The following FLNA variants were observed in gnomAD, a reference collection of about 807,000 sequenced individuals.
FLNA encodes filamin A.
Under a neutral mutation model 157.6 loss-of-function variants are expected in FLNA, and 7 were observed. That is an observed-to-expected ratio of 0.04 (90% CI 0.03 to 0.08). FLNA has a LOEUF of 0.08. Ranked by LOEUF, FLNA falls within the 10% of genes least tolerant of loss-of-function variation. FLNA has a pLI of 1.00. For synonymous variants in FLNA, 1,103 were observed against 1,060.8 expected, an observed-to-expected ratio of 1.04 and a Z score of -0.77; for missense variants, 1,750 against 2,398.4, an observed-to-expected ratio of 0.73 and a Z score of 5.65.
At chrX:154,363,851 T>C (rs1557178571) in intron 15 of FLNA, among the ~76,000 whole-genome samples, 171 bp downstream of exon 15, 15 of 112,507 alleles carry the variant, frequency 1.3e-4, no homozygotes, top group Non-Finnish European at 2.8e-4. Flanking sequence ...CAGTTCCATC[T>C]ATAGAACATG....
rs782097079 is a variant in FLNA at position 154,362,807 on chromosome X, CA to C, written c.2281-24del. The C allele has an allele frequency of 1.4e-5, 17 of 1,186,389 alleles. No individual in the cohort carries two copies. The Admixed American group carries it at 2.3e-4, about 16-fold the overall frequency. ...CACCTGCAGGGCACAGGGGCAAGGG[CA>C]AGGGCATGAGCAGCCTGGAGGAGAC... On this transcript the variant is annotated intron_variant, in intron 15 of 47. Coordinates refer to ENST00000369850, the MANE Select transcript of FLNA (RefSeq NM_001110556.2).
In FLNA at chrX:154,368,105, G is replaced by C. The variant is rs2067776708; in HGVS notation, c.374-15C>G. On this transcript the variant is annotated splice_polypyrimidine_tract_variant and intron_variant, in intron 2 of 47. Transcript: ENST00000369850. ...GGCCTTGCTGTCTGTGAGTAGAAGA[G>C]TGGCCACGCTGGGCACACGGCTGTG... is the stretch of plus-strand genomic sequence containing the variant. 1 of 1,208,849 alleles carries C rather than the reference G, an allele frequency of 8.3e-7. No homozygotes were observed. The highest frequency in any genetic ancestry group is 1.1e-6 in the Non-Finnish European group (1 of 894,963).
Position 154,361,732 on chromosome X carries a change from A to C in FLNA, c.2882T>G (p.Phe961Cys). 8.3e-7 allele frequency: 1 copy of C among 1,210,586 alleles called. No individual in the cohort carries two copies. The highest frequency in any genetic ancestry group is 1.1e-6 in the Non-Finnish European group (1 of 894,930). The change falls in exon 20 of 48, where the codon TTC becomes TGC. Residue 961 changes from phenylalanine to cysteine, a missense_variant. Phe to Cys is a radical substitution (Grantham distance 205). Coordinates refer to ENST00000369850, the MANE Select transcript of FLNA (RefSeq NM_001110556.2). The part of the protein sequence containing the change: ...YGGDPIPKSP[F>C]SVAVSPSLDL... The stretch of plus-strand genomic sequence containing the variant: ...CAGGCTTGGAGATACTGCCACTGAG[A>C]AAGGGCTCTTAGGGATGGGATCCCC...
intron 26 of FLNA, 113 bp from the exon 27 acceptor site, chrX:154,358,681 A>C: frequency 4.0e-5 from 38 of 950,555 alleles, no homozygotes; most frequent in Non-Finnish European, 5.1e-5. Context: ...CTTTATCCTC[A>C]TCCACCCGAC....
At chrX:154,353,830 T>A (rs2070826) in intron 35 of FLNA, 85 bp downstream of exon 35, 1 of 1,187,669 alleles carries the variant, frequency 8.4e-7, no homozygotes, top group Non-Finnish European at 1.1e-6. Flanking sequence ...GGGAGCCCCA[T>A]TCAGGAGTAT....
Position 154,365,441 on chromosome X carries a change from G to A in FLNA, c.1475C>T (p.Pro492Leu). The change falls in exon 10 of 48, where the codon CCC (proline) becomes CTC (leucine). Residue 492 changes from proline (P) to leucine (L), a missense_variant. Physicochemically the swap from Pro to Leu is moderately conservative, Grantham distance 98. Coordinates refer to ENST00000369850, the MANE Select transcript of FLNA (RefSeq NM_001110556.2). ...TGTCTCCTTCACCCGCACACCCTTG[G>A]GCTGGAGGCCCCGGCCAACCGCCCG... ...ACRAVGRGLQ[P>L]KGVRVKETAD... is the part of the protein sequence containing the mutation. The A allele has an allele frequency of 8.3e-7, 1 of 1,211,586 alleles. No homozygotes were observed. Among genetic ancestry groups the A allele is most frequent in the South Asian group, 1.8e-5 (1 of 57,055 alleles).
intron 5 of FLNA, 102 bp downstream of exon 5, chrX:154,367,295 C>T (rs41311702): frequency 1.5e-3 from 1,432 of 944,879 alleles, no homozygotes; most frequent in Middle Eastern, 4.9e-3. Context: ...CACCTAGCCG[C>T]CATGTAACCC....
In FLNA at chrX:154,353,613, A is replaced by G. The variant is rs375041946; in HGVS notation, c.5801T>C (p.Ile1934Thr). The change falls in exon 36 of 48, where the codon ATT becomes ACT. Residue 1934 changes from isoleucine to threonine, a missense_variant. Transcript: ENST00000369850. ...GTGCTGTTCATTGTACTTGACTAGA[A>G]TGCTGTAGTCCCCCGGCAGCACAGG... Reference protein sequence around the residue: ...YLPVLPGDYSILVKYNEQHVP... With the variant: ...YLPVLPGDYSTLVKYNEQHVP... 8.3e-7 allele frequency: 1 copy of G among 1,210,399 alleles called. No homozygotes were observed. The highest frequency in any genetic ancestry group is 1.7e-5 in the African/African-American group (1 of 57,491).
At position 154,368,175 on chromosome X, in the gene FLNA, C is replaced by G; in HGVS notation, c.374-85G>C. 2.7e-5 allele frequency: 32 copies of G among 1,181,985 alleles called. No individual in the cohort carries two copies. In the South Asian group the frequency reaches 5.7e-4, roughly 21 times the overall value. On this transcript the variant is annotated intron_variant, in intron 2 of 47. Coordinates refer to ENST00000369850, the MANE Select transcript of FLNA (RefSeq NM_001110556.2). ...GCTTTGGGGTCAGGGTCTGGCAGCA[C>G]GGGGTAGCAGGGGCCAAGGAGGAGG...
chrX:154,349,241 G>C, intron 47 of FLNA, 121 bp downstream of exon 47: 1 of 815,189 alleles, frequency 1.2e-6, no homozygotes, highest in Non-Finnish European at 1.8e-6. Flanking sequence ...GTGGCAGGGA[G>C]GTGGCTCTAG....
At chrX:154,371,500 G>A in intron 1 of FLNA, 139 bp from the exon 2 acceptor site, 2 of 397,885 alleles carry the variant, frequency 5.0e-6, no homozygotes, top group Non-Finnish European at 8.7e-6. Context: ...GCCCCCACTA[G>A]GCCCCCGGGT....
At chrX:154,365,073 A>G in intron 11 of FLNA, 63 bp downstream of exon 11, 1 of 1,204,966 alleles carries the variant, frequency 8.3e-7, no homozygotes, top group Non-Finnish European at 1.1e-6. Flanking sequence ...TCAGGTGGGG[A>G]GGCAGAAGGA....
rs782780394 is a variant in FLNA, at chrX:154,371,229, G to A, written c.17C>T (p.Ser6Phe). ...GCCTGCTGCGCTCTGGCCCGCCCGA[G>A]AGTGGGAGCTACTCATTTTGAGGCG... MSSSHSRAGQSAAGAA... is the reference protein window; with the variant it reads MSSSHFRAGQSAAGAA... The change falls in exon 2 of 48, where the codon TCT (serine) becomes TTT (phenylalanine). Residue 6 changes from serine to phenylalanine, a missense_variant. By Grantham distance (155) the Ser-to-Phe change is radical (BLOSUM62 -2). This residue lies in a region of FLNA where 58 missense variants were observed against 27.8 expected (regional missense o/e 2.09). Coordinates refer to ENST00000369850, the MANE Select transcript of FLNA (RefSeq NM_001110556.2). 2.5e-6 allele frequency: 3 copies of A among 1,201,965 alleles called. No individual in the cohort carries two copies. Among genetic ancestry groups the A allele is most frequent in the South Asian group, 1.8e-5 (1 of 55,678 alleles).
Position 154,368,100 on chromosome X carries a change from G to C in FLNA, c.374-10C>G. Reference sequence around the variant, plus strand: ...ACGATGGCCTTGCTGTCTGTGAGTAGAAGAGTGGCCACGCTGGGCACACGG... The same window carrying C: ...ACGATGGCCTTGCTGTCTGTGAGTACAAGAGTGGCCACGCTGGGCACACGG... On this transcript the variant is annotated splice_polypyrimidine_tract_variant and intron_variant, in intron 2 of 47. Coordinates refer to ENST00000369850, the MANE Select transcript of FLNA (RefSeq NM_001110556.2). The C allele has an allele frequency of 8.3e-7, 1 of 1,210,915 alleles. No individual in the cohort carries two copies. Among genetic ancestry groups the C allele is most frequent in the Non-Finnish European group, 1.1e-6 (1 of 895,289 alleles).
rs930523412 is a variant in FLNA, at chrX:154,353,074, C to T, written c.6153G>A (p.Arg2051=). Residue 2051 remains arginine (R), a synonymous_variant, in exon 38 of 48, where the codon CGG becomes CGA. Coordinates refer to ENST00000369850, the MANE Select transcript of FLNA (RefSeq NM_001110556.2). Reference sequence around the variant, plus strand: ...CTTCGTGAAGGCCCTGACCAGAGACCCGAACACGACTGGCATCCCCAATTT... The same window carrying T: ...CTTCGTGAAGGCCCTGACCAGAGACTCGAACACGACTGGCATCCCCAATTT... ...QSEIGDASRV[R]VSGQGLHEGH... 4 of 1,211,715 alleles carry T rather than the reference C, an allele frequency of 3.3e-6. No individual in the cohort carries two copies. Among genetic ancestry groups the T allele is most frequent in the Non-Finnish European group, 3.4e-6 (3 of 895,480 alleles).
At position 154,359,144 on chromosome X, in the gene FLNA, G is replaced by A. The variant is rs1557177412; in HGVS notation, c.4314C>T (p.Phe1438=). ...YGGHQVPGSP[F]KVPVHDVTDA... ...CTGTCACATCATGCACAGGGACCTT[G>A]AAAGGACTGCCTGAGGGTTGGGGCA... The change falls in exon 26 of 48, where the codon TTC becomes TTT. Residue 1438 remains phenylalanine, a synonymous_variant. Transcript: ENST00000369850. The A allele has an allele frequency of 1.7e-6, 2 of 1,210,050 alleles. No homozygotes were observed. The highest frequency in any genetic ancestry group is 3.5e-5 in the African/African-American group (2 of 57,421).
chrX:154,365,635 C>T, intron 9 of FLNA, 149 bp from the exon 10 acceptor site: 1 of 747,674 alleles, frequency 1.3e-6, no homozygotes, highest in Non-Finnish European at 1.9e-6. Context: ...GGACTGTGAC[C>T]CCAGGAACTG....
At chrX:154,357,913 C>T (rs1293684932) in intron 28 of FLNA, among the ~76,000 whole-genome samples, 2 of 112,610 alleles carry the variant, frequency 1.8e-5, no homozygotes, top group African/African-American at 6.5e-5. Context: ...TGATCTCAAG[C>T]TTCTATCCTA....
At position 154,366,548 on chromosome X, in the gene FLNA, G is replaced by T. The variant is rs782442639; in HGVS notation, c.1065+14C>A. The T allele has an allele frequency of 8.3e-7, 1 of 1,209,825 alleles. No individual in the cohort carries two copies. Among genetic ancestry groups the T allele is most frequent in the African/African-American group, 1.7e-5 (1 of 57,955 alleles). ...GCCTGAGGTCACAAGCCTCCCCCCT[G>T]GCCAAGGGCTCACCTTATGAGTCCC... On this transcript the variant is annotated intron_variant, in intron 7 of 47. Transcript: ENST00000369850.
Sources: gnomAD v4.1 joint callset for allele counts (sites outside exome capture counted in the v4.1 genomes callset) on GRCh38, gnomAD v4.1.1 for gene constraint, gnomAD v4.1.1 regional missense constraint, MANE v1.5 for transcripts, NCBI Gene and HGNC (gene_info 2026-07-23, HGNC 2026-07-21) for gene names.